The following CCDC178 variants were observed in gnomAD, a reference collection of about 807,000 sequenced individuals.
The protein encoded by CCDC178 is coiled-coil domain-containing protein 178.
In CCDC178, 126 loss-of-function variants were observed where a neutral mutation model predicts 117.4. The ratio of observed to expected loss-of-function variants is 1.07; its 90% CI spans 0.93 to 1.24. CCDC178 has a LOEUF of 1.24. Among genes scored for constraint, CCDC178 ranks in the 50% most tolerant of loss-of-function variants. The pLI, the probability that CCDC178 is intolerant of heterozygous loss-of-function variation, is 0.00. For missense variants in CCDC178, 1,030 were observed against 986.9 expected, an observed-to-expected ratio of 1.04 and a Z score of -0.59; for synonymous variants, 283 against 313.4, an observed-to-expected ratio of 0.90 and a Z score of 1.02.
chr18:33,168,311 G>A (rs995479205), intron 20 of CCDC178, among the ~76,000 whole-genome samples: 5 of 152,108 alleles, frequency 3.3e-5, no homozygotes, highest in Non-Finnish European at 7.4e-5. Flanking sequence ...TGGCTAGCCA[G>A]TTGTCCCAGC....
intron 3 of CCDC178, among the ~76,000 whole-genome samples, chr18:33,406,866 C>T (rs1037215408): frequency 2.6e-5 from 4 of 152,096 alleles, no homozygotes; most frequent in Admixed American, 6.6e-5. Flanking sequence ...TACTAATTGA[C>T]GTTTGTTAAC....
chr18:33,438,543 A>AACACAC (rs139786250), intron 2 of CCDC178, among the ~76,000 whole-genome samples: 8 of 148,392 alleles, frequency 5.4e-5, no homozygotes, highest in South Asian at 2.1e-4. Context: ...ACACACGGCA[A>AACACAC]ACACACACAC....
At chr18:32,997,283 G>C (rs558425724) in intron 21 of CCDC178, among the ~76,000 whole-genome samples, 1 of 152,280 alleles carries the variant, frequency 6.6e-6, no homozygotes, top group South Asian at 2.1e-4. Context: ...TTTCTGAGGA[G>C]ATTGTTTATT....
At chr18:33,414,999 A>T (rs947840793) in intron 2 of CCDC178, among the ~76,000 whole-genome samples, 14 of 152,244 alleles carry the variant, frequency 9.2e-5, no homozygotes, top group Non-Finnish European at 1.8e-4. Context: ...AACCACAATG[A>T]GATACCATCT....
At chr18:33,332,738 C>A (rs1393357355) in intron 10 of CCDC178, among the ~76,000 whole-genome samples, 5 of 152,004 alleles carry the variant, frequency 3.3e-5, no homozygotes, top group African/African-American at 1.2e-4. Flanking sequence ...CTCAGCCTCC[C>A]AAGTAGAGGA....
chr18:33,016,637 C>G (rs2055998025), intron 21 of CCDC178, among the ~76,000 whole-genome samples: 1 of 151,786 alleles, frequency 6.6e-6, no homozygotes, highest in Admixed American at 6.6e-5. Context: ...GGAGGGGGAT[C>G]AGAGCTTTAT....
intron 20 of CCDC178, among the ~76,000 whole-genome samples, chr18:33,202,354 C>T (rs1377474353): frequency 7.3e-6 from 1 of 136,854 alleles, no homozygotes; most frequent in Non-Finnish European, 1.5e-5. Context: ...GATCGCGCCA[C>T]TGCACTCCAG....
intron 15 of CCDC178, among the ~76,000 whole-genome samples, chr18:33,238,168 C>A (rs911342525): frequency 1.3e-5 from 2 of 152,174 alleles, no homozygotes; most frequent in African/African-American, 4.8e-5. Context: ...CCCTACATAA[C>A]GTACTCCATA....
In CCDC178 at chr18:33,273,960, T is replaced by C. The variant is rs149221010; in HGVS notation, c.1177-6663A>G. On this transcript the variant is annotated intron_variant, in intron 12 of 22. Coordinates refer to ENST00000383096, the MANE Select transcript of CCDC178 (RefSeq NM_001105528.4). ...AACAAGAAAGTGAAAAGACATGACA[T>C]GGAGTGGGAGAAAATATTTTCAAAC... Among the ~76,000 whole-genome samples, 119 of 151,858 alleles carry C rather than the reference T, an allele frequency of 7.8e-4. 1 individual carries two copies. The highest frequency in any genetic ancestry group is 2.6e-3 in the African/African-American group (109 of 41,540).
At position 32,974,627 on chromosome 18, in the gene CCDC178, C is replaced by G; in HGVS notation, c.2443G>C (p.Val815Leu). 6.2e-7 allele frequency: 1 copy of G among 1,613,458 alleles called. No homozygotes were observed. The highest frequency in any genetic ancestry group is 8.5e-7 in the Non-Finnish European group (1 of 1,179,726). The part of the protein sequence containing the change: ...HTLWQEHFKL[V>L]VLFSQMRLAN... ...AGCCTCATCTGGCTGAAGAGGACCA[C>G]CAGTTTGAAGTGCTCCTGCCACAGT... Residue 815 changes from valine to leucine, a missense_variant, in exon 22 of 23, where the codon GTG becomes CTG. Val to Leu is a conservative substitution (Grantham distance 32). Coordinates refer to ENST00000383096, the MANE Select transcript of CCDC178 (RefSeq NM_001105528.4).
chr18:32,978,444 T>G (rs769680937), intron 21 of CCDC178, among the ~76,000 whole-genome samples: 7 of 152,096 alleles, frequency 4.6e-5, no homozygotes, highest in Non-Finnish European at 7.4e-5. Flanking sequence ...CAAATAGGTA[T>G]GACAACAATT....
At chr18:32,971,808 G>A (rs113763749) in intron 22 of CCDC178, among the ~76,000 whole-genome samples, 19 of 152,130 alleles carry the variant, frequency 1.2e-4, no homozygotes, top group South Asian at 6.2e-4. Context: ...TTTGTTAACC[G>A]CATAAATGTC....
chr18:33,309,449 C>T (rs960063289), intron 11 of CCDC178, among the ~76,000 whole-genome samples: 4 of 152,056 alleles, frequency 2.6e-5, no homozygotes, highest in Non-Finnish European at 5.9e-5. Flanking sequence ...AAATAGGATA[C>T]ATGCTTGTAG....
chr18:33,240,254 C>A (rs1427504399), intron 15 of CCDC178, among the ~76,000 whole-genome samples: 1 of 151,566 alleles, frequency 6.6e-6, no homozygotes, highest in African/African-American at 2.4e-5. Context: ...CAGCCAAGTT[C>A]ATAGCACTAA....
In CCDC178 at chr18:32,974,700, G is replaced by A; in HGVS notation, c.2389-19C>T. 2 of 1,610,048 alleles carry A rather than the reference G, an allele frequency of 1.2e-6. No individual in the cohort carries two copies. Among genetic ancestry groups the A allele is most frequent in the Non-Finnish European group, 1.7e-6 (2 of 1,179,174 alleles). On this transcript the variant is annotated intron_variant, in intron 21 of 22. Coordinates refer to ENST00000383096, the MANE Select transcript of CCDC178 (RefSeq NM_001105528.4). ...GACAGAGCTAAAGGGAAGAGGGAGG[G>A]GAGAAAACACAAGTCAGAGGAGGAG...
chr18:33,329,950 CT>C (rs1205443998), intron 10 of CCDC178, among the ~76,000 whole-genome samples: 1,387 of 64,468 alleles, frequency 0.022, 27 homozygotes, highest in East Asian at 0.076. Context: ...TGGTCCTGGG[CT>C]TTTTTTTTTT....
At chr18:33,096,052 A>C (rs956768177) in intron 20 of CCDC178, among the ~76,000 whole-genome samples, 13 of 151,824 alleles carry the variant, frequency 8.6e-5, no homozygotes, top group African/African-American at 2.9e-4. Context: ...CTCTGTCAGC[A>C]AAAATGCTGA....
chr18:33,270,205 A>G lies in CCDC178; in HGVS notation c.1177-2908T>C, dbSNP rs1346860451. On this transcript the variant is annotated intron_variant, in intron 12 of 22. Transcript: ENST00000383096. Reference sequence around the variant, plus strand: ...TCTAGACTAAAGAACAGAAAAAAAAATAAAGAAAAATGAACAGAGATTCAT... The same window carrying G: ...TCTAGACTAAAGAACAGAAAAAAAAGTAAAGAAAAATGAACAGAGATTCAT... Among the ~76,000 whole-genome samples, 11 of 151,784 alleles carry G rather than the reference A, an allele frequency of 7.2e-5. No individual in the cohort carries two copies. The East Asian group carries it at 1.9e-3, about 27-fold the overall frequency.
At chr18:32,938,274 T>A (rs2054164640) in intron 22 of CCDC178, 183 bp from the exon 23 acceptor site, 1 of 523,870 alleles carries the variant, frequency 1.9e-6, no homozygotes, top group East Asian at 3.0e-5. Context: ...TTCTCTATGA[T>A]CTAGTAAGTT....
Sources: gnomAD v4.1 joint callset for allele counts (sites outside exome capture counted in the v4.1 genomes callset) on GRCh38, gnomAD v4.1.1 for gene constraint, MANE v1.5 for transcripts, NCBI Gene and HGNC (gene_info 2026-07-23, HGNC 2026-07-21) for gene names.